The following FUBP1 variants were observed in gnomAD, a reference collection of about 807,000 sequenced individuals.
The protein encoded by FUBP1 is far upstream element binding protein 1.
FUBP1 carries 16 observed loss-of-function variants against 94.9 expected under a neutral mutation model. That is an observed-to-expected ratio of 0.17 (90% CI 0.11 to 0.26). The LOEUF is 0.26. Among genes scored for constraint, FUBP1 ranks in the 10% least tolerant of loss-of-function variants. The pLI is 1.00. For missense variants in FUBP1, 583 were observed against 808.6 expected (o/e 0.72, Z 3.38); for synonymous variants, 279 against 254.9 (o/e 1.09, Z -0.90).
chr1:77,963,553 T>G (rs1409266272), intron 13 of FUBP1, 21 bp downstream of exon 13: 2 of 1,432,158 alleles, frequency 1.4e-6, no homozygotes, highest in African/African-American at 2.8e-5. Context: ...GTTAAAACAT[T>G]AAGAGTTTAA....
At chr1:77,974,423 C>T (rs149622995) in intron 1 of FUBP1, among the ~76,000 whole-genome samples, 7,243 of 152,122 alleles carry the variant, frequency 0.048, 233 homozygotes, top group East Asian at 0.11. Flanking sequence ...TGAGCCACCG[C>T]GCCCAGCCTA....
rs2102390735 is a variant in FUBP1, at chr1:77,964,079, G to A, written c.1024C>T (p.Leu342Phe). 1 of 1,571,184 alleles carries A rather than the reference G, an allele frequency of 6.4e-7. No individual in the cohort carries two copies. The highest frequency in any genetic ancestry group is 1.1e-5 in the South Asian group (1 of 90,186). Residue 342 changes from leucine (L) to phenylalanine (F), a missense_variant, in exon 12 of 20, where the codon CTT (leucine) becomes TTT (phenylalanine). By Grantham distance (22) the Leu-to-Phe change is conservative (BLOSUM62 0). Coordinates refer to ENST00000370768, the MANE Select transcript of FUBP1 (RefSeq NM_003902.5). ...CQHAAEIITD[L>F]LRSVQAGNPG... The stretch of plus-strand genomic sequence containing the variant: ...TATCAAACCTGAACACTTCGAAGAA[G>A]GTCTGTAATAATTTCTGCAGCATGT...
rs751254556 is a variant in FUBP1 at position 77,963,701 on chromosome 1, A to G, written c.1056T>C (p.Gly352=). The G allele has an allele frequency of 2.0e-5, 32 of 1,611,536 alleles. No individual in the cohort carries two copies. The highest frequency in any genetic ancestry group is 2.7e-5 in the Non-Finnish European group (32 of 1,178,474). Residue 352 remains glycine (G), a synonymous_variant, in exon 13 of 20, where the codon GGT becomes GGC. Transcript: ENST00000370768. ...LLRSVQAGNP[G]GPGPGGRGRG... The stretch of plus-strand genomic sequence containing the variant: ...TTCCTCGACCACCAGGTCCAGGTCC[A>G]CCAGGATTACCAGCCTATAGAGAGG...
Position 77,946,767 on chromosome 1 carries a change from A to G in FUBP1, c.*1999T>C, listed in dbSNP as rs1050146018. The G allele has an allele frequency of 9.7e-6, 2 of 206,882 alleles. No homozygotes were observed. The highest frequency in any genetic ancestry group is 5.9e-5 in the Admixed American group (1 of 16,850). 12.8% of individuals were successfully genotyped at this position (206,882 alleles called of 1,614,324 possible). ...AAACAGTATCATGCAAAATACTGCA[A>G]TTGTTCACGTCAATACCCTACTCTT... On this transcript the variant is annotated 3_prime_UTR_variant, in exon 20 of 20. Transcript: ENST00000370768.
At chr1:77,957,139 C>T (rs1000463946) in intron 16 of FUBP1, among the ~76,000 whole-genome samples, 3 of 152,098 alleles carry the variant, frequency 2.0e-5, no homozygotes, top group African/African-American at 7.2e-5. Flanking sequence ...TGAACTTTGT[C>T]CTTATTTTCA....
At chr1:77,954,983 AAT>A (rs1236944476) in intron 18 of FUBP1, among the ~76,000 whole-genome samples, 1 of 152,192 alleles carries the variant, frequency 6.6e-6, no homozygotes, top group East Asian at 1.9e-4. Flanking sequence ...TTAGACTGAT[AAT>A]ATATATAACT....
chr1:77,953,780 C>A (rs865956942), intron 18 of FUBP1, among the ~76,000 whole-genome samples: 1 of 151,852 alleles, frequency 6.6e-6, no homozygotes, highest in Non-Finnish European at 1.5e-5. Flanking sequence ...TTGAGTAAAA[C>A]ATAAAAAGTA....
In FUBP1 at chr1:77,962,029, T is replaced by A. The variant is rs574237763; in HGVS notation, c.1344+741A>T. On this transcript the variant is annotated intron_variant, in intron 14 of 19. Transcript: ENST00000370768. ...CAGCATGGCAAACACCAAAAATAATTTTTCCTAGGCAATTCTAATAATTTA... is the reference window on the plus strand; with the variant it reads ...CAGCATGGCAAACACCAAAAATAATATTTCCTAGGCAATTCTAATAATTTA... Among the ~76,000 whole-genome samples the A allele has an allele frequency of 1.4e-4, 21 of 152,258 alleles. 1 individual carries two copies. Among genetic ancestry groups the A allele is most frequent in the African/African-American group, 4.8e-4 (20 of 41,548 alleles).
rs1651857017 is a variant in FUBP1 at position 77,944,985 on chromosome 1, A to G, written c.*3781T>C. Among the ~76,000 whole-genome samples the G allele has an allele frequency of 6.6e-6, 1 of 152,034 alleles. No individual in the cohort carries two copies. The highest frequency in any genetic ancestry group is 6.6e-5 in the Admixed American group (1 of 15,266). Reference sequence around the variant, plus strand: ...TTTTTGTTTAAGTGCTAAATAAGTCAGTTCAGTTTCAATCTAAACTATACA... The same window carrying G: ...TTTTTGTTTAAGTGCTAAATAAGTCGGTTCAGTTTCAATCTAAACTATACA... On this transcript the variant is annotated 3_prime_UTR_variant, in exon 20 of 20. Transcript: ENST00000370768.
At chr1:77,979,082 G>A, upstream of FUBP1, 9 of 1,370,262 alleles carry the variant, frequency 6.6e-6, no homozygotes, top group South Asian at 1.4e-5. Context: ...GAAAATGGCG[G>A]CCGTCGAAGC....
At chr1:77,950,433 TA>T in intron 18 of FUBP1, among the ~76,000 whole-genome samples, 1 of 152,330 alleles carries the variant, frequency 6.6e-6, no homozygotes, top group East Asian at 1.9e-4. Flanking sequence ...GTCCTGGGAT[TA>T]CAGGCGTCAA....
chr1:77,960,697 G>T, intron 14 of FUBP1: 1 of 466,122 alleles, frequency 2.1e-6, no homozygotes, highest in South Asian at 4.3e-5. Flanking sequence ...AAAATCAATA[G>T]CAGTAGCAAT....
intron 2 of FUBP1, 63 bp from the exon 3 acceptor site, chr1:77,968,266 CAAG>C (rs749239724): frequency 2.2e-5 from 19 of 881,134 alleles, no homozygotes; most frequent in African/African-American, 1.8e-5. Flanking sequence ...CCCTCCCAAA[CAAG>C]AATAAATAAC....
chr1:77,955,165 A>G (rs1231332462), intron 18 of FUBP1, 90 bp downstream of exon 18: 1 of 666,842 alleles, frequency 1.5e-6, no homozygotes, highest in Non-Finnish European at 2.7e-6. Context: ...TTACAAGTCC[A>G]GTGATTTTAT....
upstream of FUBP1, chr1:77,979,096 A>G (rs1396613419): frequency 4.8e-6 from 6 of 1,248,992 alleles, no homozygotes; most frequent in Admixed American, 5.4e-5. Flanking sequence ...TCGAAGCTCT[A>G]TTACATTCTT....
At chr1:77,975,858 A>T (rs560892855) in intron 1 of FUBP1, among the ~76,000 whole-genome samples, 1 of 152,312 alleles carries the variant, frequency 6.6e-6, no homozygotes, top group South Asian at 2.1e-4. Flanking sequence ...AAAATCTAAA[A>T]ATTTCACATA....
rs752935540 is a variant in FUBP1, at chr1:77,962,758, A to C, written c.1344+12T>G. On this transcript the variant is annotated intron_variant, in intron 14 of 19. Transcript: ENST00000370768. ...GTCTACACTAAAAATTAAAAGTTTA[A>C]AGTATACTCACACCAATCTTTTCTT... is the stretch of plus-strand genomic sequence containing the variant. 1.4e-5 allele frequency: 22 copies of C among 1,592,668 alleles called. No individual in the cohort carries two copies. The East Asian group carries it at 4.5e-4, about 32-fold the overall frequency.
At chr1:77,959,455 ATATCT>A (rs1300535999) in intron 16 of FUBP1, among the ~76,000 whole-genome samples, 3 of 152,208 alleles carry the variant, frequency 2.0e-5, no homozygotes, top group Non-Finnish European at 4.4e-5. Context: ...ACTAGAACAG[ATATCT>A]TATTTGACAA....
rs1413489095 is a variant in FUBP1 at position 77,963,657 on chromosome 1, T to A, written c.1100A>T (p.Asn367Ile). 6.2e-7 allele frequency: 1 copy of A among 1,608,648 alleles called. No individual in the cohort carries two copies. The highest frequency in any genetic ancestry group is 8.5e-7 in the Non-Finnish European group (1 of 1,175,038). Residue 367 changes from asparagine (N) to isoleucine (I), a missense_variant, in exon 13 of 20, where the codon AAC (asparagine) becomes ATC (isoleucine). Asn to Ile is a moderately radical substitution (Grantham distance 149). Coordinates refer to ENST00000370768, the MANE Select transcript of FUBP1 (RefSeq NM_003902.5). ...GGRGRGRGQG[N>I]WNMGPPGGLQ... ...TCCACCAGGTGGTCCCATGTTCCAG[T>A]TGCCTTGACCTCTACCTCTTCCTCG...
Sources: allele counts gnomAD v4.1 joint callset (sites outside exome capture counted in the v4.1 genomes callset), GRCh38; gene constraint gnomAD v4.1.1; transcripts MANE v1.5; gene names NCBI Gene and HGNC (gene_info 2026-07-23, HGNC 2026-07-21).